Variants in TAFA1 observed in about 807,000 individuals in gnomAD.
TAFA1 encodes the protein TAFA chemokine like family member 1.
A neutral mutation model predicts 18.5 loss-of-function variants in TAFA1; 4 were observed. That is an observed-to-expected ratio of 0.22 (90% CI 0.11 to 0.49). The LOEUF is 0.49. Ranked by LOEUF, TAFA1 falls within the 20% of genes least tolerant of loss-of-function variation. The pLI is 0.98. For synonymous variants in TAFA1, 56 were observed against 55.2 expected, an observed-to-expected ratio of 1.01 and a Z score of -0.06; for missense variants, 147 against 169.0, an observed-to-expected ratio of 0.87 and a Z score of 0.72.
At chr3:68,366,479 A>G (rs1203542385) in intron 2 of TAFA1, among the ~76,000 whole-genome samples, 3 of 152,218 alleles carry the variant, frequency 2.0e-5, no homozygotes, top group Non-Finnish European at 4.4e-5. Flanking sequence ...TACACAATGT[A>G]GTGTTGATTC....
chr3:68,044,023 A>T (rs758758419), intron 2 of TAFA1, among the ~76,000 whole-genome samples: 26 of 152,300 alleles, frequency 1.7e-4, no homozygotes, highest in South Asian at 1.2e-3. Flanking sequence ...AGGCTAGGAA[A>T]ATCACAGTCC....
chr3:68,277,935 A>G (rs1296345589), intron 2 of TAFA1, among the ~76,000 whole-genome samples: 4 of 152,210 alleles, frequency 2.6e-5, no homozygotes, highest in African/African-American at 9.6e-5. Context: ...TGAGCAAATC[A>G]CAATTACAAA....
intron 2 of TAFA1, among the ~76,000 whole-genome samples, chr3:68,271,231 C>A (rs1402968929): frequency 6.6e-6 from 1 of 152,058 alleles, no homozygotes; most frequent in Non-Finnish European, 1.5e-5. Context: ...ATTAGCCACT[C>A]CTCCAGGCCT....
chr3:68,395,568 A>G (rs1459833807), intron 2 of TAFA1, among the ~76,000 whole-genome samples: 1 of 152,224 alleles, frequency 6.6e-6, no homozygotes, highest in Non-Finnish European at 1.5e-5. Context: ...AATGTCCATC[A>G]ATGATAGACA....
In TAFA1 at chr3:68,069,136, TA is replaced by T. The variant is rs1411529948; in HGVS notation, c.118+62394del. On this transcript the variant is annotated intron_variant, in intron 2 of 4. Coordinates refer to ENST00000478136, the MANE Select transcript of TAFA1 (RefSeq NM_213609.4). ...GGAAAATAATGGTTTGTATGCACCA[TA>T]ATAGATAAATCTCTGAGATGGTGTA... Among the ~76,000 whole-genome samples, 8 of 152,318 alleles carry T rather than the reference TA, an allele frequency of 5.3e-5. 1 individual carries two copies. Among genetic ancestry groups the T allele is most frequent in the African/African-American group, 1.7e-4 (7 of 41,584 alleles).
intron 3 of TAFA1, among the ~76,000 whole-genome samples, chr3:68,423,203 T>A (rs1256873159): frequency 6.6e-6 from 1 of 152,072 alleles, no homozygotes; most frequent in South Asian, 2.1e-4. Context: ...AAAATAATGT[T>A]TACCATTTTT....
chr3:68,074,805 T>G (rs2064804894), intron 2 of TAFA1, among the ~76,000 whole-genome samples: 2 of 152,244 alleles, frequency 1.3e-5, no homozygotes, highest in African/African-American at 4.8e-5. Context: ...TTTTGAATCC[T>G]GAAAATTACT....
At chr3:68,429,038 T>C (rs752439141) in intron 3 of TAFA1, among the ~76,000 whole-genome samples, 1 of 152,024 alleles carries the variant, frequency 6.6e-6, no homozygotes, top group Non-Finnish European at 1.5e-5. Context: ...CTCTACAGCA[T>C]GCCTTGAGGC....
chr3:68,498,099 T>C (rs2072583037), intron 3 of TAFA1, among the ~76,000 whole-genome samples: 1 of 152,192 alleles, frequency 6.6e-6, no homozygotes, highest in Non-Finnish European at 1.5e-5. Flanking sequence ...AGTTAAGAGA[T>C]TCTAGATCAG....
intron 2 of TAFA1, among the ~76,000 whole-genome samples, chr3:68,011,426 A>G (rs978260235): frequency 9.9e-5 from 15 of 152,172 alleles, no homozygotes; most frequent in African/African-American, 3.6e-4. Context: ...TGTTAGATAT[A>G]TTCATTTTTG....
intron 2 of TAFA1, among the ~76,000 whole-genome samples, chr3:68,090,310 G>T (rs902686720): frequency 6.6e-6 from 1 of 152,096 alleles, no homozygotes; most frequent in Non-Finnish European, 1.5e-5. Context: ...GCGAGATCAC[G>T]TGTACCCTTT....
chr3:68,089,492 G>A (rs1232404066), intron 2 of TAFA1, among the ~76,000 whole-genome samples: 2 of 152,164 alleles, frequency 1.3e-5, no homozygotes, highest in African/African-American at 4.8e-5. Flanking sequence ...GGGAAAGACA[G>A]AAAAGAAGTT....
At chr3:68,221,038 T>C (rs2066723211) in intron 2 of TAFA1, among the ~76,000 whole-genome samples, 1 of 152,134 alleles carries the variant, frequency 6.6e-6, no homozygotes, top group African/African-American at 2.4e-5. Flanking sequence ...ACCACATCCT[T>C]AGCAGCTTCA....
At chr3:68,060,131 C>T (rs1226983726) in intron 2 of TAFA1, among the ~76,000 whole-genome samples, 1 of 152,046 alleles carries the variant, frequency 6.6e-6, no homozygotes, top group Non-Finnish European at 1.5e-5. Flanking sequence ...TTGATGCCTC[C>T]ATATTTTTCT....
At chr3:68,243,821 G>A (rs1354584817) in intron 2 of TAFA1, among the ~76,000 whole-genome samples, 1 of 152,046 alleles carries the variant, frequency 6.6e-6, no homozygotes, top group Non-Finnish European at 1.5e-5. Context: ...ATTTCTGGGT[G>A]GTATGGTAAG....
intron 2 of TAFA1, among the ~76,000 whole-genome samples, chr3:68,370,880 G>A (rs1186885341): frequency 6.6e-6 from 1 of 150,876 alleles, no homozygotes; most frequent in African/African-American, 2.4e-5. Flanking sequence ...TGATCATGTG[G>A]TTGAATCAGT....
At chr3:68,534,172 GA>G (rs2073234900) in intron 3 of TAFA1, among the ~76,000 whole-genome samples, 1 of 152,124 alleles carries the variant, frequency 6.6e-6, no homozygotes, top group Non-Finnish European at 1.5e-5. Flanking sequence ...GCTTTTCTCT[GA>G]AGCCCCCACC....
chr3:68,405,398 A>G (rs2070579298), intron 2 of TAFA1, among the ~76,000 whole-genome samples: 1 of 152,050 alleles, frequency 6.6e-6, no homozygotes, highest in African/African-American at 2.4e-5. Context: ...CTGTAATTCC[A>G]GCACTTTGGG....
At position 68,178,958 on chromosome 3, in the gene TAFA1, G is replaced by A. The variant is rs1332184178; in HGVS notation, c.118+172214G>A. Among the ~76,000 whole-genome samples, 3 of 152,100 alleles carry A rather than the reference G, an allele frequency of 2.0e-5. No homozygotes were observed. In the South Asian group the frequency reaches 6.2e-4, roughly 32 times the overall value. ...GGGAAATCCCCAAACACACGTCTGGGGCTATTTTGTAGCCAGTGAATTCTG... is the reference window on the plus strand; with the variant it reads ...GGGAAATCCCCAAACACACGTCTGGAGCTATTTTGTAGCCAGTGAATTCTG... On this transcript the variant is annotated intron_variant, in intron 2 of 4. Transcript: ENST00000478136.
Sources: gnomAD v4.1 joint callset for allele counts (sites outside exome capture counted in the v4.1 genomes callset) on GRCh38, gnomAD v4.1.1 for gene constraint, MANE v1.5 for transcripts, NCBI Gene and HGNC (gene_info 2026-07-23, HGNC 2026-07-21) for gene names.